KIN: variants seen among roughly 807,000 people sequenced by gnomAD.
KIN encodes DNA/RNA-binding protein KIN17.
Under a neutral mutation model 63.0 loss-of-function variants are expected in KIN, and 47 were observed. The observed-to-expected ratio is 0.75, with a 90% CI of 0.59 to 0.95. The LOEUF (loss-of-function observed/expected upper bound fraction) is 0.95, where lower values mean the gene tolerates loss of function less well. Among genes scored for constraint, KIN ranks in the 40% least tolerant of loss-of-function variants. The pLI is 0.00. For synonymous variants in KIN, 160 were observed against 157.7 expected, an observed-to-expected ratio of 1.01 and a Z score of -0.11; for missense variants, 408 against 460.9, an observed-to-expected ratio of 0.89 and a Z score of 1.05.
chr10:7,770,321 A>G (rs539716744), intron 7 of KIN, among the ~76,000 whole-genome samples: 1 of 152,350 alleles, frequency 6.6e-6, no homozygotes, highest in South Asian at 2.1e-4. Context: ...CTGACTTACT[A>G]TGTACACCAG....
At chr10:7,771,667 T>C (rs1433957984) in intron 7 of KIN, among the ~76,000 whole-genome samples, 1 of 151,926 alleles carries the variant, frequency 6.6e-6, no homozygotes, top group African/African-American at 2.4e-5. Flanking sequence ...CTGAGACAGG[T>C]GGATCATTTG....
chr10:7,762,408 C>T, intron 11 of KIN, 49 bp downstream of exon 11: 1 of 1,045,244 alleles, frequency 9.6e-7, no homozygotes, highest in African/African-American at 1.6e-5. Flanking sequence ...GAAAATGGAA[C>T]CGCTCATTTT....
intron 1 of KIN, among the ~76,000 whole-genome samples, chr10:7,786,053 T>C (rs1331058659): frequency 6.6e-6 from 1 of 152,228 alleles, no homozygotes; most frequent in Non-Finnish European, 1.5e-5. Context: ...CTATGGATTC[T>C]GGATGATACT....
intron 5 of KIN, among the ~76,000 whole-genome samples, chr10:7,776,416 C>T (rs1365381002): frequency 6.7e-6 from 1 of 150,178 alleles, no homozygotes; most frequent in Non-Finnish European, 1.5e-5. Context: ...ATGGCGGGCG[C>T]CTGTAATGCC....
At chr10:7,760,995 A>T (rs1835425633) in intron 11 of KIN, among the ~76,000 whole-genome samples, 1 of 152,228 alleles carries the variant, frequency 6.6e-6, no homozygotes, top group African/African-American at 2.4e-5. Context: ...TAGAAACTTA[A>T]TTTATATAAA....
In KIN at chr10:7,764,960, G is replaced by C. The variant is rs1246260940; in HGVS notation, c.849+1093C>G. Among the ~76,000 whole-genome samples the C allele has an allele frequency of 7.2e-5, 11 of 152,118 alleles. No individual in the cohort carries two copies. In the South Asian group the frequency reaches 2.3e-3, roughly 32 times the overall value. On this transcript the variant is annotated intron_variant, in intron 9 of 12. Transcript: ENST00000379562. ...GGATCACCTGAGGTCTGGAGTTCGAGACCAGCCTGACCAACATGGAGAAAC... is the reference window on the plus strand; with the variant it reads ...GGATCACCTGAGGTCTGGAGTTCGACACCAGCCTGACCAACATGGAGAAAC...
chr10:7,756,374 G>T (rs564436595), intron 12 of KIN, among the ~76,000 whole-genome samples: 93 of 152,300 alleles, frequency 6.1e-4, no homozygotes, highest in Non-Finnish European at 1.2e-3. Flanking sequence ...TAGACATTGT[G>T]GCAGAGACCT....
At chr10:7,781,722 A>G (rs1327719143) in intron 2 of KIN, among the ~76,000 whole-genome samples, 1 of 142,692 alleles carries the variant, frequency 7.0e-6, no homozygotes, top group Non-Finnish European at 1.5e-5. Flanking sequence ...GTAGTAAGCC[A>G]TGACTATGCC....
chr10:7,775,215 C>T (rs904294045), intron 6 of KIN, among the ~76,000 whole-genome samples: 57 of 152,298 alleles, frequency 3.7e-4, no homozygotes, highest in African/African-American at 1.1e-3. Flanking sequence ...GACATAACAC[C>T]ATTTTCATCT....
chr10:7,762,327 T>A, intron 11 of KIN, 130 bp downstream of exon 11: 2 of 513,964 alleles, frequency 3.9e-6, no homozygotes, highest in East Asian at 3.1e-5. Flanking sequence ...CAGAGATGAG[T>A]TACGCTGGCA....
intron 12 of KIN, among the ~76,000 whole-genome samples, chr10:7,758,741 T>C (rs1372241608): frequency 6.6e-6 from 1 of 152,184 alleles, no homozygotes; most frequent in African/African-American, 2.4e-5. Context: ...TACTGGATTT[T>C]CTACTGCCTT....
At position 7,779,998 on chromosome 10, in the gene KIN, T is replaced by A. The variant is rs1835863857; in HGVS notation, c.376+58A>T. ...TTTCTCTTTTCTTATCCCAAACATC[T>A]CATCCTATGAAGATTAGAAGTGGGA... On this transcript the variant is annotated intron_variant, in intron 4 of 12. Transcript: ENST00000379562. The A allele has an allele frequency of 3.2e-6, 5 of 1,559,774 alleles. No homozygotes were observed. The Admixed American group carries it at 9.1e-5, about 28-fold the overall frequency.
At chr10:7,786,838 T>C (rs184025215) in intron 1 of KIN, among the ~76,000 whole-genome samples, 57 of 152,320 alleles carry the variant, frequency 3.7e-4, no homozygotes, top group Admixed American at 1.5e-3. Flanking sequence ...ATAATGCATA[T>C]ACAGGTATTC....
rs1372870582 is a variant in KIN, at chr10:7,784,249, AT to A, written c.115-1075del. On this transcript the variant is annotated intron_variant, in intron 1 of 12. Coordinates refer to ENST00000379562, the MANE Select transcript of KIN (RefSeq NM_012311.4). ...ATCAGGAGATTACAGAAAAGAATTA[AT>A]CCTTTACTCCTTTCCCAAAAAAATT... Among the ~76,000 whole-genome samples the A allele has an allele frequency of 5.0e-4, 76 of 152,326 alleles. 1 individual carries two copies. Among genetic ancestry groups the A allele is most frequent in the Non-Finnish European group, 1.5e-5 (1 of 68,036 alleles).
At chr10:7,785,070 G>T (rs2148720) in intron 1 of KIN, among the ~76,000 whole-genome samples, 125,602 of 151,722 alleles carry the variant, frequency 0.83, 52,075 homozygotes, top group East Asian at 0.87. Flanking sequence ...GGCAACATGG[G>T]GAGACCCTAT....
At chr10:7,775,205 G>A (rs1835745529) in intron 6 of KIN, among the ~76,000 whole-genome samples, 2 of 152,148 alleles carry the variant, frequency 1.3e-5, no homozygotes, top group Non-Finnish European at 2.9e-5. Context: ...TGGCTCAGGG[G>A]ACATAACACC....
intron 12 of KIN, among the ~76,000 whole-genome samples, chr10:7,759,015 C>T (rs1033585736): frequency 6.6e-6 from 1 of 151,878 alleles, no homozygotes; most frequent in Non-Finnish European, 1.5e-5. Context: ...TCCAGAAAAC[C>T]TTCCTAGACA....
At chr10:7,770,920 G>A (rs1835654038) in intron 7 of KIN, among the ~76,000 whole-genome samples, 1 of 152,164 alleles carries the variant, frequency 6.6e-6, no homozygotes, top group Non-Finnish European at 1.5e-5. Context: ...TCTCTATGGA[G>A]AATTGTAGGT....
At position 7,754,830 on chromosome 10, in the gene KIN, A is replaced by C. The variant is rs1183989120; in HGVS notation, c.*1250T>G. The C allele has an allele frequency of 6.6e-6, 1 of 152,238 alleles. No individual in the cohort carries two copies. Among genetic ancestry groups the C allele is most frequent in the Non-Finnish European group, 1.5e-5 (1 of 68,106 alleles). 9.4% of individuals were successfully genotyped at this position (152,238 alleles called of 1,614,324 possible). A position where few individuals can be genotyped will look rare whatever the true frequency, so the allele number is the denominator to read the frequency against. On this transcript the variant is annotated 3_prime_UTR_variant, in exon 13 of 13. Coordinates refer to ENST00000379562, the MANE Select transcript of KIN (RefSeq NM_012311.4). ...CTGGAAGCTAGCGTCTGCTCCTTTCAGTCATGTGCACTACAAATATCCCTT... is the reference window on the plus strand; with the variant it reads ...CTGGAAGCTAGCGTCTGCTCCTTTCCGTCATGTGCACTACAAATATCCCTT...
Sources: allele counts gnomAD v4.1 joint callset (sites outside exome capture counted in the v4.1 genomes callset), GRCh38; gene constraint gnomAD v4.1.1; transcripts MANE v1.5; gene names NCBI Gene and HGNC (gene_info 2026-07-23, HGNC 2026-07-21).